Variants in IMPA1 observed in about 807,000 individuals in gnomAD.
IMPA1 encodes D-galactose 1-phosphate phosphatase.
In IMPA1, 21 loss-of-function variants were observed where a neutral mutation model predicts 34.9. The ratio of observed to expected loss-of-function variants is 0.60; its 90% CI spans 0.43 to 0.87. IMPA1 has a LOEUF of 0.87. IMPA1 is among the 40% of genes least tolerant of loss of function. IMPA1 has a pLI of 0.00. For missense variants in IMPA1, 299 were observed against 336.4 expected, an observed-to-expected ratio of 0.89 and a Z score of 0.87; for synonymous variants, 95 against 104.4, an observed-to-expected ratio of 0.91 and a Z score of 0.55.
At chr8:81,672,218 ATGTGCAAAC>A (rs1476305402) in intron 6 of IMPA1, among the ~76,000 whole-genome samples, 2 of 152,268 alleles carry the variant, frequency 1.3e-5, no homozygotes, top group Non-Finnish European at 2.9e-5. Context: ...AAGAATTTCA[ATGTGCAAAC>A]TGTGGAAAAT....
intron 3 of IMPA1, 105 bp from the exon 4 acceptor site, chr8:81,679,335 G>C: frequency 1.3e-6 from 1 of 767,008 alleles, no homozygotes; most frequent in South Asian, 1.5e-5. Context: ...CATAGCAGGC[G>C]AGGTGTGGAG....
intron 6 of IMPA1, among the ~76,000 whole-genome samples, chr8:81,672,636 G>A (rs773958291): frequency 6.6e-6 from 1 of 152,160 alleles, no homozygotes; most frequent in Non-Finnish European, 1.5e-5. Context: ...ACTCTCCAAG[G>A]TAATCTAGAA....
At chr8:81,665,106 C>A (rs1293656022) in intron 7 of IMPA1, among the ~76,000 whole-genome samples, 1 of 152,098 alleles carries the variant, frequency 6.6e-6, no homozygotes, top group Non-Finnish European at 1.5e-5. Context: ...AAAACTACTG[C>A]AAAACATCGA....
At chr8:81,659,712 G>A (rs1321569011) in intron 8 of IMPA1, among the ~76,000 whole-genome samples, 1 of 152,002 alleles carries the variant, frequency 6.6e-6, no homozygotes, top group South Asian at 2.1e-4. Context: ...CTATTTTTGT[G>A]CATTCTTATT....
intron 1 of IMPA1, among the ~76,000 whole-genome samples, chr8:81,685,519 C>A (rs956563236): frequency 3.4e-4 from 49 of 142,080 alleles, no homozygotes; most frequent in East Asian, 2.6e-3. Flanking sequence ...AAGTATATTT[C>A]TGTACTATAT....
intron 5 of IMPA1, among the ~76,000 whole-genome samples, chr8:81,675,553 G>C (rs896090455): frequency 1.3e-5 from 2 of 152,010 alleles, no homozygotes; most frequent in Admixed American, 1.3e-4. Context: ...TACAACCCTG[G>C]GGCTAAGCTG....
At chr8:81,663,283 C>A (rs1295210282) in intron 7 of IMPA1, among the ~76,000 whole-genome samples, 1 of 152,204 alleles carries the variant, frequency 6.6e-6, no homozygotes, top group East Asian at 1.9e-4. Context: ...GTTTATTGCC[C>A]TTCTCTCAAG....
intron 7 of IMPA1, among the ~76,000 whole-genome samples, chr8:81,665,139 GT>G (rs1806784746): frequency 6.6e-6 from 1 of 150,490 alleles, no homozygotes; most frequent in Non-Finnish European, 1.5e-5. Context: ...AAATGGTTTT[GT>G]TTTTTCTTTT....
At chr8:81,679,560 C>A (rs1489966659) in intron 3 of IMPA1, among the ~76,000 whole-genome samples, 1 of 150,812 alleles carries the variant, frequency 6.6e-6, no homozygotes, top group East Asian at 2.0e-4. Context: ...TTGCAGTGAG[C>A]CGAGATCGTG....
chr8:81,678,607 G>C (rs530999483), intron 4 of IMPA1: 5 of 176,634 alleles, frequency 2.8e-5, no homozygotes, highest in Non-Finnish European at 2.5e-5. Context: ...CAGAAGAATC[G>C]CTTGAACCCG....
chr8:81,679,161 A>G lies in IMPA1; in HGVS notation c.267T>C (p.Ile89=), dbSNP rs751264106. 1 of 1,613,728 alleles carries G rather than the reference A, an allele frequency of 6.2e-7. No homozygotes were observed. The highest frequency in any genetic ancestry group is 1.7e-5 in the Admixed American group (1 of 60,016). ...AGTTAGTTGTTCCATCAATAGGGTC[A>G]ATGATCCATGTGGGGTTGTCGGTTA... ...SILTDNPTWI[I]DPIDGTTNFV... Residue 89 remains isoleucine (I), a synonymous_variant, in exon 4 of 9, where the codon ATT becomes ATC. Coordinates refer to ENST00000256108, the MANE Select transcript of IMPA1 (RefSeq NM_005536.4).
intron 1 of IMPA1, chr8:81,685,903 GGC>G (rs1807507735): frequency 6.5e-7 from 1 of 1,545,428 alleles, no homozygotes; most frequent in Non-Finnish European, 8.7e-7. Context: ...ACAGGACCTG[GGC>G]GCTGCCCCAT....
intron 3 of IMPA1, among the ~76,000 whole-genome samples, chr8:81,680,319 T>C (rs1807259698): frequency 6.6e-6 from 1 of 152,222 alleles, no homozygotes; most frequent in Admixed American, 6.5e-5. Context: ...TGGTTCACTC[T>C]GTTTCTCCCT....
At chr8:81,682,456 C>A (rs1333422626) in intron 1 of IMPA1, among the ~76,000 whole-genome samples, 3 of 152,082 alleles carry the variant, frequency 2.0e-5, no homozygotes, top group Non-Finnish European at 4.4e-5. Context: ...ATCTTGGGGC[C>A]CACATTATAG....
chr8:81,669,253 T>C (rs1208390779), intron 7 of IMPA1, among the ~76,000 whole-genome samples: 4 of 152,024 alleles, frequency 2.6e-5, no homozygotes, highest in Admixed American at 2.6e-4. Context: ...AGTGGAGCCA[T>C]GAAAGCAGGA....
intron 4 of IMPA1, 29 bp downstream of exon 4, chr8:81,679,097 G>C (rs770683434): frequency 7.2e-7 from 1 of 1,389,338 alleles, no homozygotes; most frequent in South Asian, 1.2e-5. Flanking sequence ...TATGCAAAGA[G>C]TAATTATATT....
In IMPA1 at chr8:81,679,108, A is replaced by T; in HGVS notation, c.302+18T>A. On this transcript the variant is annotated intron_variant, in intron 4 of 8. Transcript: ENST00000256108. Reference sequence around the variant, plus strand: ...TTAATATGCAAAGAGTAATTATATTAGACATTTTAAAACATACCTATGTAC... The same window carrying T: ...TTAATATGCAAAGAGTAATTATATTTGACATTTTAAAACATACCTATGTAC... 1 of 1,461,144 alleles carries T rather than the reference A, an allele frequency of 6.8e-7. No individual in the cohort carries two copies. The highest frequency in any genetic ancestry group is 9.6e-7 in the Non-Finnish European group (1 of 1,040,536). 90.5% of individuals were successfully genotyped at this position (1,461,144 alleles called of 1,614,324 possible).
intron 2 of IMPA1, 47 bp downstream of exon 2, chr8:81,681,451 C>T (rs1295396090): frequency 9.6e-7 from 1 of 1,038,154 alleles, no homozygotes; most frequent in Admixed American, 1.7e-5. Flanking sequence ...AGTATACCCA[C>T]CAATCACATT....
rs184448870 is a variant in IMPA1 at position 81,662,853 on chromosome 8, T to C, written c.567-2186A>G. Among the ~76,000 whole-genome samples the C allele has an allele frequency of 1.7e-3, 259 of 152,356 alleles. 4 individuals carry two copies. Among genetic ancestry groups the C allele is most frequent in the African/African-American group, 6.1e-3 (253 of 41,598 alleles). ...TATACCATACATAGTGAATTTCATC[T>C]ACATGAATTCCTGAAAATTAAACAA... On this transcript the variant is annotated intron_variant, in intron 7 of 8. Coordinates refer to ENST00000256108, the MANE Select transcript of IMPA1 (RefSeq NM_005536.4).
Sources: gnomAD v4.1 joint callset for allele counts (sites outside exome capture counted in the v4.1 genomes callset) on GRCh38, gnomAD v4.1.1 for gene constraint, MANE v1.5 for transcripts, NCBI Gene and HGNC (gene_info 2026-07-23, HGNC 2026-07-21) for gene names.